TTC34: variants seen among roughly 807,000 people sequenced by gnomAD.
The protein encoded by TTC34 is tetratricopeptide repeat protein 34.
Under a neutral mutation model 40.7 loss-of-function variants are expected in TTC34, and 44 were observed. That is an observed-to-expected ratio of 1.08 (90% confidence interval 0.85 to 1.39). The LOEUF is 1.39. TTC34 is among the 40% of genes most tolerant of loss of function. The probability of loss-of-function intolerance (pLI) is 0.00; values close to 1 mark genes in which losing one functional copy is unlikely to be tolerated. For missense variants in TTC34, 884 were observed against 838.0 expected (o/e 1.05, Z -0.68); for synonymous variants, 422 against 398.6 (o/e 1.06, Z -0.70).
chr1:2,694,353 C>A (rs974682625), intron 6 of TTC34, among the ~76,000 whole-genome samples: 2 of 129,830 alleles, frequency 1.5e-5, no homozygotes, highest in African/African-American at 6.0e-5. Context: ...CCCACACTCC[C>A]AGACGAGCAT....
intron 6 of TTC34, among the ~76,000 whole-genome samples, chr1:2,751,345 C>T (rs1439711196): frequency 7.4e-5 from 9 of 120,904 alleles, no homozygotes; most frequent in African/African-American, 1.1e-4. Flanking sequence ...GAGCATCTGA[C>T]AGCCTGGGTC....
intron 6 of TTC34, among the ~76,000 whole-genome samples, chr1:2,687,407 C>T (rs75722242): frequency 4.6e-5 from 7 of 151,158 alleles, no homozygotes; most frequent in African/African-American, 1.5e-4. Context: ...CACCCACACC[C>T]CCAGGTGAGC....
exon 9 of TTC34, chr1:2,641,470 C>T (rs779698659): frequency 5.9e-5 from 91 of 1,535,548 alleles, no homozygotes; most frequent in Non-Finnish European, 6.9e-5. Flanking sequence ...TCTCTACCGC[C>T]GTCCAGGCCT....
chr1:2,787,886 C>T (rs1335350023), intron 3 of TTC34, among the ~76,000 whole-genome samples, 180 bp from the exon 4 acceptor site: 2 of 152,242 alleles, frequency 1.3e-5, no homozygotes, highest in African/African-American at 4.8e-5. Flanking sequence ...ATGCGGCCCT[C>T]ACGCTCTCCC....
At chr1:2,777,812 T>C (rs1643331247) in intron 6 of TTC34, among the ~76,000 whole-genome samples, 1 of 152,152 alleles carries the variant, frequency 6.6e-6, no homozygotes, top group African/African-American at 2.4e-5. Flanking sequence ...TGGCTGACTT[T>C]CCCTGCCTCT....
At chr1:2,757,462 AC>A (rs1416896440) in intron 6 of TTC34, among the ~76,000 whole-genome samples, 22 of 13,080 alleles carry the variant, frequency 1.7e-3, no homozygotes, top group Non-Finnish European at 2.4e-3. Flanking sequence ...CTGGAGCAGC[AC>A]CCCACACCCC....
intron 6 of TTC34, among the ~76,000 whole-genome samples, chr1:2,695,827 C>CACCCACACCCCCAG (rs1557626187): frequency 1.3e-5 from 2 of 151,026 alleles, no homozygotes; most frequent in African/African-American, 2.4e-5. Context: ...CCTGGAACAG[C>CACCCACACCCCCAG]ATCCACACCC....
chr1:2,695,052 C>T (rs1640797735), intron 6 of TTC34, among the ~76,000 whole-genome samples: 1 of 146,358 alleles, frequency 6.8e-6, no homozygotes, highest in Non-Finnish European at 1.5e-5. Context: ...GAGCATCTGA[C>T]ACACTGAAAC....
intron 6 of TTC34, among the ~76,000 whole-genome samples, chr1:2,697,537 C>G: frequency 1.3e-5 from 2 of 152,182 alleles, no homozygotes; most frequent in Admixed American, 1.3e-4. Context: ...CCCAGGCGAG[C>G]ATCTGATGGC....
intron 5 of TTC34, 65 bp downstream of exon 5, chr1:2,785,754 A>G: frequency 6.8e-7 from 1 of 1,473,656 alleles, no homozygotes; most frequent in Admixed American, 2.3e-5. Flanking sequence ...AGCATGGCAG[A>G]GACTCCCCAT....
At chr1:2,694,099 C>T (rs569205285) in intron 6 of TTC34, among the ~76,000 whole-genome samples, 6 of 148,578 alleles carry the variant, frequency 4.0e-5, no homozygotes, top group African/African-American at 1.0e-4. Context: ...CCTGGAACAG[C>T]ACCCTGCACC....
At chr1:2,651,740 G>A (rs1047200441) in intron 6 of TTC34, among the ~76,000 whole-genome samples, 1 of 151,522 alleles carries the variant, frequency 6.6e-6, no homozygotes, top group African/African-American at 2.4e-5. Context: ...GTGATTATCT[G>A]ACAACCTAGA....
Position 2,751,667 on chromosome 1 carries a change from A to C in TTC34, c.2226+31942T>G, listed in dbSNP as rs1425592016. Among the ~76,000 whole-genome samples the C allele has an allele frequency of 2.3e-5, 3 of 129,698 alleles. 1 individual carries two copies. In the East Asian group the frequency reaches 7.2e-4, roughly 31 times the overall value. The allele number at this position is 129,698 out of a possible 152,430, so 85.1% of individuals were successfully genotyped here. A position where few individuals can be genotyped will look rare whatever the true frequency, so the allele number is the denominator to read the frequency against. ...CCACACCCCCAGTTGAGCATTGGAC[A>C]GCCTGGATCAGCACCCACAACCCCA... On this transcript the variant is annotated intron_variant, in intron 6 of 8. Coordinates refer to ENST00000401095, the Ensembl canonical transcript of TTC34.
intron 6 of TTC34, among the ~76,000 whole-genome samples, chr1:2,778,398 C>A (rs764326862): frequency 5.2e-4 from 79 of 152,336 alleles, no homozygotes; most frequent in Non-Finnish European, 8.7e-4. Flanking sequence ...CAGGGCAGGT[C>A]TCCCTTGTGA....
At chr1:2,769,175 AC>A (rs1219373992) in intron 6 of TTC34, among the ~76,000 whole-genome samples, 1 of 266 alleles carries the variant, frequency 3.8e-3, no homozygotes, top group Non-Finnish European at 6.3e-3. Context: ...CTGGAACAGC[AC>A]CCCACACCCC....
chr1:2,686,715 A>C (rs1640369138), intron 6 of TTC34, among the ~76,000 whole-genome samples: 2 of 141,266 alleles, frequency 1.4e-5, no homozygotes, highest in Admixed American at 1.4e-4. Flanking sequence ...CTGGAACAGC[A>C]CACACACCCC....
rs1182552215 is a variant in TTC34, at chr1:2,645,311, C to G, written c.2479G>C (p.Asp827His). The G allele has an allele frequency of 1.3e-6, 2 of 1,498,248 alleles. No individual in the cohort carries two copies. The highest frequency in any genetic ancestry group is 1.3e-5 in the South Asian group (1 of 78,980). The allele number at this position is 1,498,248 out of a possible 1,614,324, so 92.8% of individuals were successfully genotyped here. A position where few individuals can be genotyped will look rare whatever the true frequency, so the allele number is the denominator to read the frequency against. The change falls in exon 7 of 9, where the codon GAC (aspartate) becomes CAC (histidine). Residue 827 changes from aspartate to histidine, a missense_variant. Physicochemically the swap from Asp to His is moderately conservative, Grantham distance 81. Coordinates refer to ENST00000401095, the Ensembl canonical transcript of TTC34. This position sits in a 1 kb window ranked among gnomAD's most constrained non-coding sequence, Gnocchi z 4.7. Reference sequence around the variant, plus strand: ...CGCATACCCTGTGCCATGAGAATGTCTGCCAGGAGGAGGTGCCAGTGCGGT... The same window carrying G: ...CGCATACCCTGTGCCATGAGAATGTGTGCCAGGAGGAGGTGCCAGTGCGGT...
chr1:2,641,454 G>C, exon 9 of TTC34: 1 of 1,535,534 alleles, frequency 6.5e-7, no homozygotes, highest in South Asian at 1.2e-5. Context: ...TCCACCAGGA[G>C]GCCGCTCTCT....
chr1:2,688,009 C>T (rs1345155426), intron 6 of TTC34, among the ~76,000 whole-genome samples: 8 of 132,052 alleles, frequency 6.1e-5, no homozygotes, highest in African/African-American at 1.9e-4. Flanking sequence ...ACCCACACCC[C>T]CAGGCGAGCA....
Sources: gnomAD v4.1 joint callset for allele counts (sites outside exome capture counted in the v4.1 genomes callset) on GRCh38, gnomAD v4.1.1 for gene constraint, Gnocchi (gnomAD v3.1) non-coding constraint, MANE v1.5 for transcripts, NCBI Gene and HGNC (gene_info 2026-07-23, HGNC 2026-07-21) for gene names.